TSHZ3: variants seen among roughly 807,000 people sequenced by gnomAD.
TSHZ3 encodes the protein teashirt homolog 3.
Under a neutral mutation model 64.5 loss-of-function variants are expected in TSHZ3, and 10 were observed. The ratio of observed to expected loss-of-function variants is 0.16; its 90% confidence interval spans 0.10 to 0.26. The LOEUF (loss-of-function observed/expected upper bound fraction) is 0.26. TSHZ3 is among the 10% of genes least tolerant of loss of function. TSHZ3 has a pLI of 1.00. For synonymous variants in TSHZ3, 608 were observed against 593.1 expected, an observed-to-expected ratio of 1.03 and a Z score of -0.36; for missense variants, 1,242 against 1,421.7, an observed-to-expected ratio of 0.87 and a Z score of 2.03.
chr19:31,183,178 TTCTCTCTC>T (rs750398873), intron 5 of TSHZ3, among the ~76,000 whole-genome samples: 1,931 of 116,418 alleles, frequency 0.017, 42 homozygotes, highest in South Asian at 0.066. Flanking sequence ...TTCTATGAGA[TTCTCTCTC>T]TCTCTCTCTC....
At chr19:31,175,426 T>TTTAA (rs1350958902) in intron 5 of TSHZ3, among the ~76,000 whole-genome samples, 1 of 124,978 alleles carries the variant, frequency 8.0e-6, no homozygotes, top group Non-Finnish European at 1.7e-5. Flanking sequence ...TTGTCATGTT[T>TTTAA]TTAATTTGTT....
chr19:31,233,500 T>C (rs1975566805), intron 3 of TSHZ3, among the ~76,000 whole-genome samples: 1 of 152,196 alleles, frequency 6.6e-6, no homozygotes, highest in South Asian at 2.1e-4. Flanking sequence ...CTTTGCCAGA[T>C]ATGTGCATTG....
At chr19:31,243,105 C>G (rs1336987584) in intron 1 of TSHZ3, among the ~76,000 whole-genome samples, 1 of 152,164 alleles carries the variant, frequency 6.6e-6, no homozygotes, top group Non-Finnish European at 1.5e-5. Context: ...TAAAATTAAC[C>G]ATCACACCCT....
At chr19:31,154,138 C>T (rs1974273252) in intron 6 of TSHZ3, among the ~76,000 whole-genome samples, 1 of 152,178 alleles carries the variant, frequency 6.6e-6, no homozygotes, top group Non-Finnish European at 1.5e-5. Flanking sequence ...CTGCAGGGCC[C>T]AGAAAGAGAG....
chr19:31,153,293 T>G (rs770212759), intron 6 of TSHZ3, among the ~76,000 whole-genome samples: 1 of 152,166 alleles, frequency 6.6e-6, no homozygotes, highest in Non-Finnish European at 1.5e-5. Flanking sequence ...TACTAAAAAA[T>G]GTACATTCTA....
intron 5 of TSHZ3, among the ~76,000 whole-genome samples, chr19:31,198,845 C>T (rs185241834): frequency 1.3e-5 from 2 of 152,240 alleles, no homozygotes; most frequent in Admixed American, 6.5e-5. Context: ...GAAGATTTCA[C>T]CTATTCCCAA....
chr19:31,214,909 GAAAAAAAAA>G (rs950173415), intron 4 of TSHZ3, among the ~76,000 whole-genome samples: 3 of 41,856 alleles, frequency 7.2e-5, no homozygotes, highest in African/African-American at 2.3e-4. Context: ...CTCTGTCTCA[GAAAAAAAAA>G]AAAAAAAAAA....
At position 31,276,412 on chromosome 19, in the gene TSHZ3, A is replaced by G. The variant is rs1355924136; in HGVS notation, c.*135T>C. The G allele has an allele frequency of 1.2e-6, 1 of 838,384 alleles. No individual in the cohort carries two copies. Among genetic ancestry groups the G allele is most frequent in the African/African-American group, 1.7e-5 (1 of 58,952 alleles). 51.9% of individuals were successfully genotyped at this position (838,384 alleles called of 1,614,324 possible). A position where few individuals can be genotyped will look rare whatever the true frequency, so the allele number is the denominator to read the frequency against. ...ATTAAACACTGTACAGTTATACAAAACAGTCCAGCCCAGAGTGATTCTCTG... is the reference window on the plus strand; with the variant it reads ...ATTAAACACTGTACAGTTATACAAAGCAGTCCAGCCCAGAGTGATTCTCTG... On this transcript the variant is annotated 3_prime_UTR_variant, in exon 2 of 2. Coordinates refer to ENST00000240587, the MANE Select transcript of TSHZ3 (RefSeq NM_020856.4).
intron 1 of TSHZ3, among the ~76,000 whole-genome samples, chr19:31,332,216 T>A (rs187626982): frequency 6.6e-6 from 1 of 152,268 alleles, no homozygotes; most frequent in Non-Finnish European, 1.5e-5. Flanking sequence ...TATTATTACA[T>A]CTGGAATTTC....
intron 1 of TSHZ3, among the ~76,000 whole-genome samples, chr19:31,243,396 T>C (rs1475001202): frequency 6.6e-6 from 1 of 152,152 alleles, no homozygotes; most frequent in African/African-American, 2.4e-5. Context: ...TTAAAACAAG[T>C]CTGTGGGATT....
chr19:31,174,535 C>G (rs562166592), intron 5 of TSHZ3, among the ~76,000 whole-genome samples: 25 of 152,324 alleles, frequency 1.6e-4, no homozygotes, highest in African/African-American at 5.8e-4. Context: ...GCCCAGATCA[C>G]CTAAAATGAA....
At chr19:31,254,850 C>A (rs1008764661) in intron 1 of TSHZ3, among the ~76,000 whole-genome samples, 2 of 151,976 alleles carry the variant, frequency 1.3e-5, no homozygotes, top group Non-Finnish European at 2.9e-5. Flanking sequence ...TGCCCTGATG[C>A]TGATGGACAA....
chr19:31,205,827 C>T (rs1599582264), intron 4 of TSHZ3, among the ~76,000 whole-genome samples: 1 of 152,300 alleles, frequency 6.6e-6, no homozygotes, highest in African/African-American at 2.4e-5. Context: ...AAAAATGTTT[C>T]TGAATAGACA....
intron 1 of TSHZ3, among the ~76,000 whole-genome samples, chr19:31,290,347 A>G (rs1976542320): frequency 6.6e-6 from 1 of 152,128 alleles, no homozygotes; most frequent in South Asian, 2.1e-4. Context: ...GGCTCAAAGC[A>G]ACAGTGTGAA....
At chr19:31,226,283 A>G (rs868633903) in intron 4 of TSHZ3, among the ~76,000 whole-genome samples, 44 of 152,230 alleles carry the variant, frequency 2.9e-4, no homozygotes, top group Admixed American at 2.6e-3. Flanking sequence ...CTTGAATTGT[A>G]GCTCCTATAA....
chr19:31,207,901 T>C (rs892195772), intron 4 of TSHZ3, among the ~76,000 whole-genome samples: 1 of 152,206 alleles, frequency 6.6e-6, no homozygotes, highest in Non-Finnish European at 1.5e-5. Flanking sequence ...TAGTGTGGAA[T>C]ATGGGACAAG....
intron 1 of TSHZ3, among the ~76,000 whole-genome samples, chr19:31,336,493 T>C (rs1416740484): frequency 2.0e-5 from 3 of 152,208 alleles, no homozygotes; most frequent in Non-Finnish European, 4.4e-5. Flanking sequence ...AGGAGATGCA[T>C]AGCTTACTCT....
Position 31,289,874 on chromosome 19 carries a change from A to T in TSHZ3, c.41-10122T>A, listed in dbSNP as rs1976533997. 2.0e-5 allele frequency among the ~76,000 whole-genome samples: 3 copies of T among 151,990 alleles called. No individual in the cohort carries two copies. In the South Asian group the frequency reaches 6.2e-4, roughly 31 times the overall value. On this transcript the variant is annotated intron_variant, in intron 1 of 1. Transcript: ENST00000240587. Reference sequence around the variant, plus strand: ...CAAAGTCCCCAGAAAATTTCACCTAAATCTCAGCTTATTCTCAATACACCT... The same window carrying T: ...CAAAGTCCCCAGAAAATTTCACCTATATCTCAGCTTATTCTCAATACACCT...
chr19:31,307,960 G>T (rs1465283779), intron 1 of TSHZ3, among the ~76,000 whole-genome samples: 1 of 152,164 alleles, frequency 6.6e-6, no homozygotes, highest in Admixed American at 6.5e-5. Flanking sequence ...TAAATAAAAT[G>T]ACATTATTAT....
Sources: allele counts gnomAD v4.1 joint callset (sites outside exome capture counted in the v4.1 genomes callset), GRCh38; gene constraint gnomAD v4.1.1; transcripts MANE v1.5; gene names NCBI Gene and HGNC (gene_info 2026-07-23, HGNC 2026-07-21).